The following STRN variants were observed in gnomAD, a reference collection of about 807,000 sequenced individuals.
STRN encodes the protein striatin, also known as protein phosphatase 2 regulatory subunit B'''alpha.
STRN carries 53 observed loss-of-function variants against 96.3 expected under a neutral mutation model. That is an observed-to-expected ratio of 0.55 (90% CI 0.44 to 0.69). STRN has a LOEUF of 0.69. Among genes scored for constraint, STRN ranks in the 30% least tolerant of loss-of-function variants. The pLI is 0.00. For missense variants in STRN, 987 were observed against 963.9 expected (o/e 1.02, Z -0.32); for synonymous variants, 428 against 355.9 (o/e 1.20, Z -2.28).
intron 10 of STRN, among the ~76,000 whole-genome samples, chr2:36,877,415 T>G (rs1278745851): frequency 6.6e-6 from 1 of 152,238 alleles, no homozygotes; most frequent in Non-Finnish European, 1.5e-5. Flanking sequence ...ATCTCTAGGT[T>G]ATGGAAAAAT....
At chr2:36,906,388 A>G (rs1268967382) in intron 3 of STRN, among the ~76,000 whole-genome samples, 1 of 152,056 alleles carries the variant, frequency 6.6e-6, no homozygotes, top group Admixed American at 6.6e-5. Flanking sequence ...TAGCCTGGGA[A>G]GACGAGGCTG....
At chr2:36,910,547 A>T (rs1254652082) in intron 3 of STRN, among the ~76,000 whole-genome samples, 1 of 152,224 alleles carries the variant, frequency 6.6e-6, no homozygotes. Flanking sequence ...GACTGTAATA[A>T]GTTAAAGATG....
rs1297458290 is a variant in STRN at position 36,838,731 on chromosome 2, G to A, written c.*10725C>T. On this transcript the variant is annotated 3_prime_UTR_variant, in exon 18 of 18. Transcript: ENST00000263918. ...AATCCTACTCCAGGGAATCTATTCC[G>A]CAGACGTAAAACCATCATGGTGACA... 6.6e-5 allele frequency among the ~76,000 whole-genome samples: 10 copies of A among 152,158 alleles called. No individual in the cohort carries two copies. The South Asian group carries it at 2.1e-3, about 32-fold the overall frequency.
chr2:36,949,708 G>A (rs555734962), intron 1 of STRN, among the ~76,000 whole-genome samples: 2 of 152,296 alleles, frequency 1.3e-5, no homozygotes, highest in East Asian at 1.9e-4. Context: ...TAAACTGGGG[G>A]CTAGATCTGA....
At position 36,925,119 on chromosome 2, in the gene STRN, A is replaced by T. The variant is rs774630207; in HGVS notation, c.324T>A (p.Ala108=). 3.7e-6 allele frequency: 6 copies of T among 1,611,804 alleles called. No individual in the cohort carries two copies. The highest frequency in any genetic ancestry group is 1.7e-5 in the Admixed American group (1 of 59,990). The change falls in exon 2 of 18, where the codon GCT becomes GCA. Residue 108 remains alanine (A), a synonymous_variant. Transcript: ENST00000263918. ...LVRRIKMLEY[A]LKQERAKYHK... ...TACTGAATTACCTTTCCTGTTTAAG[A>T]GCATACTCCAACATTTTGATCCTCC...
At chr2:36,965,054 T>C (rs1665125535) in intron 1 of STRN, among the ~76,000 whole-genome samples, 1 of 152,210 alleles carries the variant, frequency 6.6e-6, no homozygotes, top group Non-Finnish European at 1.5e-5. Context: ...CCACAGCCAC[T>C]TCCACTACAC....
At chr2:36,863,577 T>G (rs569441836) in intron 12 of STRN, among the ~76,000 whole-genome samples, 2 of 152,230 alleles carry the variant, frequency 1.3e-5, no homozygotes, top group Non-Finnish European at 2.9e-5. Context: ...ACTACAGCCC[T>G]GTAGTATAGT....
intron 5 of STRN, among the ~76,000 whole-genome samples, chr2:36,901,018 T>A (rs1323133408): frequency 1.3e-5 from 2 of 150,278 alleles, no homozygotes; most frequent in Admixed American, 6.6e-5. Context: ...AAAAAAAAAA[T>A]TGTAGAAACT....
intron 1 of STRN, among the ~76,000 whole-genome samples, chr2:36,932,450 C>A (rs1465287305): frequency 2.6e-5 from 4 of 152,132 alleles, no homozygotes; most frequent in African/African-American, 9.7e-5. Context: ...CCACCGCACC[C>A]GGCCTAGTTT....
chr2:36,954,243 G>A (rs575097825), intron 1 of STRN, among the ~76,000 whole-genome samples: 27 of 152,188 alleles, frequency 1.8e-4, no homozygotes, highest in African/African-American at 6.5e-4. Context: ...AGGCGTGGTG[G>A]CTCACACCTA....
intron 14 of STRN, among the ~76,000 whole-genome samples, chr2:36,857,638 C>T (rs1206441156): frequency 6.6e-6 from 1 of 151,828 alleles, no homozygotes; most frequent in Non-Finnish European, 1.5e-5. Flanking sequence ...CCAGCCTGGG[C>T]AACAGAGTGA....
intron 2 of STRN, among the ~76,000 whole-genome samples, chr2:36,923,068 G>A (rs540490696): frequency 9.9e-5 from 15 of 151,880 alleles, no homozygotes; most frequent in African/African-American, 3.6e-4. Context: ...CTTGAACCCA[G>A]GAGGTGGAGG....
chr2:36,931,030 CA>C (rs532988993), intron 1 of STRN, among the ~76,000 whole-genome samples: 62 of 141,002 alleles, frequency 4.4e-4, no homozygotes, highest in South Asian at 3.9e-3. Flanking sequence ...AAAATTGCCT[CA>C]AAAAAAAAAA....
intron 3 of STRN, among the ~76,000 whole-genome samples, chr2:36,914,193 A>G (rs7561572): frequency 0.55 from 84,211 of 151,948 alleles, 24,291 homozygotes; most frequent in African/African-American, 0.71. Flanking sequence ...GTCTTGCTAC[A>G]TTGCCCAGAC....
At chr2:36,852,993 C>T (rs977273046) in intron 15 of STRN, among the ~76,000 whole-genome samples, 5 of 152,098 alleles carry the variant, frequency 3.3e-5, no homozygotes, top group South Asian at 2.1e-4. Flanking sequence ...TCTGTCTCTA[C>T]GCAAAATACA....
At chr2:36,940,823 C>A (rs576483578) in intron 1 of STRN, among the ~76,000 whole-genome samples, 3 of 105,944 alleles carry the variant, frequency 2.8e-5, no homozygotes, top group Admixed American at 1.4e-4. Flanking sequence ...GGCGACTGGG[C>A]AAGACTCTGT....
chr2:36,861,221 T>C lies in STRN; in HGVS notation c.1580A>G (p.Asn527Ser), dbSNP rs375947333. 1.5e-5 allele frequency: 24 copies of C among 1,613,984 alleles called. No homozygotes were observed. Among genetic ancestry groups the C allele is most frequent in the African/African-American group, 9.3e-5 (7 of 74,918 alleles). Residue 527 changes from asparagine to serine, a missense_variant, in exon 13 of 18, where the codon AAT (asparagine) becomes AGT (serine). Asn to Ser is a conservative substitution (Grantham distance 46). Transcript: ENST00000263918. The stretch of plus-strand genomic sequence containing the variant: ...ACCACCACTGTAACACTGCTCACCA[T>C]TGCTGCTCATTACCACACAAAGCAC... ...GPVLCVVMSS[N>S]GEQCYSGGTD...
chr2:36,954,612 T>C (rs1389056598), intron 1 of STRN, among the ~76,000 whole-genome samples: 1 of 151,462 alleles, frequency 6.6e-6, no homozygotes, highest in Non-Finnish European at 1.5e-5. Context: ...AAAATAAAAG[T>C]ATTTAAGGAA....
intron 1 of STRN, among the ~76,000 whole-genome samples, chr2:36,932,157 T>C (rs1670591597): frequency 6.6e-6 from 1 of 151,816 alleles, no homozygotes; most frequent in Non-Finnish European, 1.5e-5. Flanking sequence ...ATTCTACAGC[T>C]AGTTTTACTT....
Sources: gnomAD v4.1 joint callset for allele counts (sites outside exome capture counted in the v4.1 genomes callset) on GRCh38, gnomAD v4.1.1 for gene constraint, MANE v1.5 for transcripts, NCBI Gene and HGNC (gene_info 2026-07-23, HGNC 2026-07-21) for gene names.